Variants in TCTN2 observed in about 807,000 individuals in gnomAD.
TCTN2 encodes the protein tectonic-2.
In TCTN2, 66 loss-of-function variants were observed where a neutral mutation model predicts 83.4. That is an observed-to-expected ratio of 0.79 (90% CI 0.65 to 0.97). The LOEUF is 0.97. TCTN2 is among the 50% of genes least tolerant of loss of function. The pLI is 0.00. For synonymous variants in TCTN2, 301 were observed against 326.7 expected (o/e 0.92, Z 0.85); for missense variants, 794 against 858.1 (o/e 0.93, Z 0.93).
chr12:123,687,700 C>T (rs1421993106), intron 6 of TCTN2, among the ~76,000 whole-genome samples: 5 of 150,492 alleles, frequency 3.3e-5, no homozygotes, highest in East Asian at 2.0e-4. Context: ...CAGTGGGTCA[C>T]GTCTGTAATC....
At chr12:123,683,087 G>A (rs1279799232) in intron 5 of TCTN2, among the ~76,000 whole-genome samples, 5 of 151,402 alleles carry the variant, frequency 3.3e-5, no homozygotes, top group African/African-American at 7.3e-5. Context: ...GCTGGACGTG[G>A]TGGCCGGTGC....
At chr12:123,693,454 ATT>A (rs59347706) in intron 9 of TCTN2, among the ~76,000 whole-genome samples, 8 of 79,022 alleles carry the variant, frequency 1.0e-4, no homozygotes, top group Admixed American at 2.7e-4. Context: ...AGTTTGGCAG[ATT>A]TTTTTTTTTT....
chr12:123,690,070 GA>G (rs1346222392), intron 7 of TCTN2, among the ~76,000 whole-genome samples: 1 of 152,194 alleles, frequency 6.6e-6, no homozygotes, highest in Admixed American at 6.5e-5. Flanking sequence ...AAAATGATGG[GA>G]TTACAGGTGT....
chr12:123,672,184 G>T (rs767554875), intron 3 of TCTN2, 52 bp downstream of exon 3: 1 of 1,492,080 alleles, frequency 6.7e-7, no homozygotes, highest in Non-Finnish European at 9.4e-7. Context: ...CCCCCAGCTA[G>T]GGTTTCTGCA....
intron 5 of TCTN2, among the ~76,000 whole-genome samples, chr12:123,679,808 T>C (rs111707562): frequency 0.3 from 43,814 of 146,136 alleles, 7,177 homozygotes; most frequent in Non-Finnish European, 0.38. Flanking sequence ...GGCGTGATCT[T>C]GGCTCACTGC....
intron 5 of TCTN2, among the ~76,000 whole-genome samples, chr12:123,681,315 A>G (rs1955897235): frequency 6.6e-6 from 1 of 152,072 alleles, no homozygotes; most frequent in African/African-American, 2.4e-5. Flanking sequence ...GTAAATTTAC[A>G]CAGTTGTACA....
chr12:123,700,405 G>T (rs1956158495), intron 14 of TCTN2, among the ~76,000 whole-genome samples: 1 of 152,096 alleles, frequency 6.6e-6, no homozygotes, highest in Non-Finnish European at 1.5e-5. Flanking sequence ...AATGCAAGAG[G>T]ATTGCTTGAG....
chr12:123,707,092 C>G lies in TCTN2; in HGVS notation c.1984+19C>G. On this transcript the variant is annotated intron_variant, in intron 17 of 17. Coordinates refer to ENST00000303372, the MANE Select transcript of TCTN2 (RefSeq NM_024809.5). ...TATCAAGGTAGGGTGAAACAGATTT[C>G]TATGACCAATTATGTTATGTCAATT... is the stretch of plus-strand genomic sequence containing the variant. 6.2e-7 allele frequency: 1 copy of G among 1,606,860 alleles called. No individual in the cohort carries two copies. The highest frequency in any genetic ancestry group is 8.5e-7 in the Non-Finnish European group (1 of 1,174,944).
rs763871400 is a variant in TCTN2 at position 123,688,068 on chromosome 12, C to T, written c.782C>T (p.Ser261Phe). 20 of 1,614,138 alleles carry T rather than the reference C, an allele frequency of 1.2e-5. No homozygotes were observed. Among genetic ancestry groups the T allele is most frequent in the Non-Finnish European group, 1.6e-5 (19 of 1,179,998 alleles). ...ATTTTCAGTTCCCCCAAACAGGACTCTTCCTTTGAAGTATATGTGGATACT... is the reference window on the plus strand; with the variant it reads ...ATTTTCAGTTCCCCCAAACAGGACTTTTCCTTTGAAGTATATGTGGATACT... The part of the protein sequence containing the change: ...YHGAVSPKQD[S>F]SFEVYVDTDA... The change falls in exon 7 of 18, where the codon TCT becomes TTT. Residue 261 changes from serine to phenylalanine, a missense_variant. Ser to Phe is a radical substitution (Grantham distance 155). Coordinates refer to ENST00000303372, the MANE Select transcript of TCTN2 (RefSeq NM_024809.5).
chr12:123,692,207 G>A (rs1022828072), intron 8 of TCTN2, among the ~76,000 whole-genome samples: 30 of 152,016 alleles, frequency 2.0e-4, no homozygotes, highest in South Asian at 8.3e-4. Context: ...CACCACGCCC[G>A]GCTAATTTTT....
chr12:123,680,087 G>T (rs969729300), intron 5 of TCTN2, among the ~76,000 whole-genome samples: 1 of 151,758 alleles, frequency 6.6e-6, no homozygotes, highest in African/African-American at 2.4e-5. Context: ...GCGCAGTGGC[G>T]CATACCTGTA....
intron 9 of TCTN2, 101 bp downstream of exon 9, chr12:123,692,824 A>T: frequency 2.1e-6 from 2 of 936,350 alleles, no homozygotes; most frequent in Middle Eastern, 3.1e-4. Flanking sequence ...TTAGTCATTT[A>T]AAAAGGTTCA....
At chr12:123,684,878 C>T (rs974616600) in intron 5 of TCTN2, among the ~76,000 whole-genome samples, 1 of 151,740 alleles carries the variant, frequency 6.6e-6, no homozygotes, top group Non-Finnish European at 1.5e-5. Flanking sequence ...GGTGAAACCC[C>T]GTCTCTTCTA....
Position 123,694,858 on chromosome 12 carries a change from C to T in TCTN2, c.1116C>T (p.Asn372=), listed in dbSNP as rs755934212. Residue 372 remains asparagine (N), a synonymous_variant, in exon 10 of 18, where the codon AAC becomes AAT. Transcript: ENST00000303372. The part of the protein sequence containing the change: ...FITNTETPLN[N]GSTPRIVNVE... ...TATTTGCAGAAACTCCTTTAAATAA[C>T]GGATCAACCCCTAGAATTGTGAATG... 1.6e-5 allele frequency: 25 copies of T among 1,612,514 alleles called. No individual in the cohort carries two copies. The highest frequency in any genetic ancestry group is 2.2e-5 in the East Asian group (1 of 44,870).
intron 17 of TCTN2, chr12:123,707,311 A>G (rs1956242443): frequency 1.6e-6 from 1 of 613,598 alleles, no homozygotes; most frequent in South Asian, 2.0e-5. Context: ...CAGTGGCACA[A>G]TCTCAGCTCA....
At position 123,671,289 on chromosome 12, in the gene TCTN2, C is replaced by T; in HGVS notation, c.49C>T (p.Gln17Ter). The part of the protein sequence containing the change: ...AALLLRLFLL[Q>*]GILRLLWGDL... ...TCTTCTTTTGAGGCTTTTCCTTCTG[C>T]AGGGCATCCTGAGGCTTCTGTGGGG... Residue 17 changes from glutamine (Q) to a stop codon, truncating the protein, a stop_gained, in exon 1 of 18, where the codon CAG (glutamine) becomes TAG (stop). Transcript: ENST00000303372. LOFTEE classifies it high-confidence loss of function. The T allele has an allele frequency of 6.2e-7, 1 of 1,613,860 alleles. No homozygotes were observed. Among genetic ancestry groups the T allele is most frequent in the South Asian group, 1.1e-5 (1 of 91,076 alleles).
intron 8 of TCTN2, among the ~76,000 whole-genome samples, chr12:123,691,608 A>G (rs1325849067): frequency 6.6e-6 from 1 of 151,630 alleles, no homozygotes; most frequent in Non-Finnish European, 1.5e-5. Context: ...TGCCATGAAC[A>G]CTCGTGTCCA....
At chr12:123,688,677 T>C (rs1956006277) in intron 7 of TCTN2, among the ~76,000 whole-genome samples, 1 of 152,224 alleles carries the variant, frequency 6.6e-6, no homozygotes, top group South Asian at 2.1e-4. Context: ...TTAATCACTG[T>C]CTTTGCTTAA....
chr12:123,688,190 A>AT lies in TCTN2; in HGVS notation c.891+14dup. ...TACTATTCCGCAGGTAATCGTTGCAATATTAGTATGCTAGACCGTTCTCTT... is the reference window on the plus strand; with the variant it reads ...TACTATTCCGCAGGTAATCGTTGCAATTATTAGTATGCTAGACCGTTCTCTT... On this transcript the variant is annotated intron_variant, in intron 7 of 17. Coordinates refer to ENST00000303372, the MANE Select transcript of TCTN2 (RefSeq NM_024809.5). The AT allele has an allele frequency of 6.2e-7, 1 of 1,610,550 alleles. No individual in the cohort carries two copies. The highest frequency in any genetic ancestry group is 8.5e-7 in the Non-Finnish European group (1 of 1,177,726).
Sources: gnomAD v4.1 joint callset for allele counts (sites outside exome capture counted in the v4.1 genomes callset) on GRCh38, gnomAD v4.1.1 for gene constraint, MANE v1.5 for transcripts, NCBI Gene and HGNC (gene_info 2026-07-23, HGNC 2026-07-21) for gene names.